Variants in FAM171B observed in about 807,000 individuals in gnomAD.
FAM171B encodes family with sequence similarity 171 member B.
Under a neutral mutation model 75.6 loss-of-function variants are expected in FAM171B, and 19 were observed. That is an observed-to-expected ratio of 0.25 (90% CI 0.18 to 0.37). FAM171B has a LOEUF of 0.37. Among genes scored for constraint, FAM171B ranks in the 10% least tolerant of loss-of-function variants. The pLI is 1.00. For synonymous variants in FAM171B, 367 were observed against 361.7 expected, an observed-to-expected ratio of 1.01 and a Z score of -0.17; for missense variants, 848 against 982.4, an observed-to-expected ratio of 0.86 and a Z score of 1.83.
chr2:186,754,010 T>C lies in FAM171B; in HGVS notation c.973T>C (p.Leu325=). Residue 325 remains leucine (L), a synonymous_variant, in exon 6 of 8, where the codon TTG becomes CTG. Coordinates refer to ENST00000304698, the MANE Select transcript of FAM171B (RefSeq NM_177454.4). ...HLIWTYDAPH[L]GYWIAAPLPG... The stretch of plus-strand genomic sequence containing the variant: ...AATCTGGACATATGATGCACCACAT[T>C]TGGGGTACTGGATAGCAGCTCCACT... 6.2e-7 allele frequency: 1 copy of C among 1,611,776 alleles called. No homozygotes were observed.
In FAM171B at chr2:186,694,193, G is replaced by A; in HGVS notation, c.20G>A (p.Arg7His). The change falls in exon 1 of 8, where the codon CGT becomes CAT. Residue 7 changes from arginine to histidine, a missense_variant. Arg to His is a conservative substitution (Grantham distance 29). Coordinates refer to ENST00000304698, the MANE Select transcript of FAM171B (RefSeq NM_177454.4). Reference sequence around the variant, plus strand: ...TAGGCCATGGCGAGGCTCTGCCGGCGTGTCCCCTGCACCCTGCTTCTCGGC... The same window carrying A: ...TAGGCCATGGCGAGGCTCTGCCGGCATGTCCCCTGCACCCTGCTTCTCGGC... MARLCR[R>H]VPCTLLLGLA... is the part of the protein sequence containing the mutation. The A allele has an allele frequency of 6.2e-7, 1 of 1,602,952 alleles. No individual in the cohort carries two copies. Among genetic ancestry groups the A allele is most frequent in the African/African-American group, 1.3e-5 (1 of 74,970 alleles).
intron 1 of FAM171B, among the ~76,000 whole-genome samples, chr2:186,731,701 G>A (rs1690116577): frequency 6.6e-6 from 1 of 152,146 alleles, no homozygotes; most frequent in Non-Finnish European, 1.5e-5. Context: ...CGGGAACTGG[G>A]CCTCACAGCA....
At chr2:186,734,742 G>A (rs750140899) in intron 1 of FAM171B, among the ~76,000 whole-genome samples, 16 of 152,298 alleles carry the variant, frequency 1.1e-4, no homozygotes, top group Non-Finnish European at 2.1e-4. Context: ...AGGGGTACCC[G>A]CAATCCTGTG....
chr2:186,703,076 T>TACAC (rs35043744), intron 1 of FAM171B, among the ~76,000 whole-genome samples: 59,075 of 145,306 alleles, frequency 0.41, 12,109 homozygotes, highest in East Asian at 0.68. Flanking sequence ...TATATATATA[T>TACAC]ACACACACAC....
chr2:186,702,636 C>T lies in FAM171B; in HGVS notation c.238+8225C>T, dbSNP rs78030756. Among the ~76,000 whole-genome samples, 325 of 152,182 alleles carry T rather than the reference C, an allele frequency of 2.1e-3. 1 individual carries two copies. Among genetic ancestry groups the T allele is most frequent in the East Asian group, 0.019 (98 of 5,184 alleles). ...GAATATAAGGCCAGTTTATTTGGGC[C>T]TAAAATGAGTGAGTGATTCAGAGTG... is the stretch of plus-strand genomic sequence containing the variant. On this transcript the variant is annotated intron_variant, in intron 1 of 7. Transcript: ENST00000304698.
At chr2:186,742,921 C>A (rs1418778719) in intron 2 of FAM171B, among the ~76,000 whole-genome samples, 1 of 152,170 alleles carries the variant, frequency 6.6e-6, no homozygotes, top group Non-Finnish European at 1.5e-5. Flanking sequence ...TCATCTCCAT[C>A]CTGCATTACT....
At chr2:186,756,917 A>G (rs1251076469) in intron 6 of FAM171B, among the ~76,000 whole-genome samples, 2 of 152,148 alleles carry the variant, frequency 1.3e-5, no homozygotes, top group Non-Finnish European at 2.9e-5. Context: ...TAAAGGATAC[A>G]GATAAAGAGC....
chr2:186,744,432 T>C (rs1690337602), intron 3 of FAM171B, among the ~76,000 whole-genome samples: 1 of 152,188 alleles, frequency 6.6e-6, no homozygotes, highest in Admixed American at 6.5e-5. Context: ...AAAAATAAAC[T>C]AGGGCTTGAT....
chr2:186,758,768 C>T (rs1690571519), intron 6 of FAM171B, among the ~76,000 whole-genome samples: 1 of 152,028 alleles, frequency 6.6e-6, no homozygotes, highest in South Asian at 2.1e-4. Flanking sequence ...GCATAATAAT[C>T]ATGCATAATA....
At chr2:186,695,009 G>T (rs1391549909) in intron 1 of FAM171B, 3 of 152,058 alleles carry the variant, frequency 2.0e-5, no homozygotes, top group East Asian at 1.9e-4. Context: ...TTATTGCAAA[G>T]AACTCTTTTA....
chr2:186,725,677 T>G (rs1012369358), intron 1 of FAM171B, among the ~76,000 whole-genome samples: 2 of 152,228 alleles, frequency 1.3e-5, no homozygotes, highest in African/African-American at 4.8e-5. Flanking sequence ...TGGTGACCAG[T>G]GTTTTTTCAA....
chr2:186,749,555 TAC>T (rs541438037), intron 4 of FAM171B, among the ~76,000 whole-genome samples: 15 of 152,208 alleles, frequency 9.9e-5, no homozygotes, highest in Non-Finnish European at 1.8e-4. Flanking sequence ...GGTAATTTAG[TAC>T]AGTTAATTCT....
Position 186,746,050 on chromosome 2 carries a change from T to C in FAM171B, c.566-1042T>C, listed in dbSNP as rs1395016881. Among the ~76,000 whole-genome samples, 7 of 152,250 alleles carry C rather than the reference T, an allele frequency of 4.6e-5. 1 individual carries two copies. The South Asian group carries it at 6.2e-4, about 14-fold the overall frequency. On this transcript the variant is annotated intron_variant, in intron 3 of 7. Transcript: ENST00000304698. ...ACTGATGTCTTTTCTATTCTAATAA[T>C]TTAATTGATTGCTTCTGTCTTCATC...
chr2:186,706,772 A>G (rs939192581), intron 1 of FAM171B, among the ~76,000 whole-genome samples: 2 of 152,122 alleles, frequency 1.3e-5, no homozygotes, highest in African/African-American at 4.8e-5. Context: ...GGCTCTAACA[A>G]CCTTGGCCCA....
At chr2:186,725,364 T>C (rs1690018188) in intron 1 of FAM171B, among the ~76,000 whole-genome samples, 1 of 151,928 alleles carries the variant, frequency 6.6e-6, no homozygotes, top group African/African-American at 2.4e-5. Flanking sequence ...AAAAAGAATT[T>C]TACTTTCTCT....
chr2:186,698,268 T>G (rs1689609140), intron 1 of FAM171B, among the ~76,000 whole-genome samples: 1 of 152,194 alleles, frequency 6.6e-6, no homozygotes, highest in Non-Finnish European at 1.5e-5. Context: ...CATAGAAATG[T>G]CTTTTCAGTA....
intron 1 of FAM171B, among the ~76,000 whole-genome samples, chr2:186,727,489 A>G (rs1035458895): frequency 6.6e-5 from 10 of 152,328 alleles, no homozygotes; most frequent in African/African-American, 2.4e-4. Flanking sequence ...CTTTTTCTGT[A>G]GAGTGCCAGA....
intron 1 of FAM171B, among the ~76,000 whole-genome samples, chr2:186,734,878 G>T (rs577838774): frequency 6.6e-6 from 1 of 152,344 alleles, no homozygotes; most frequent in African/African-American, 2.4e-5. Context: ...ATCCAGCTGG[G>T]TTGCAAAAGT....
intron 1 of FAM171B, among the ~76,000 whole-genome samples, chr2:186,728,070 A>C (rs1451965247): frequency 6.6e-6 from 1 of 152,160 alleles, no homozygotes; most frequent in Non-Finnish European, 1.5e-5. Context: ...TCCACAGAAA[A>C]GTCAGATCAT....
Sources: gnomAD v4.1 joint callset for allele counts (sites outside exome capture counted in the v4.1 genomes callset) on GRCh38, gnomAD v4.1.1 for gene constraint, MANE v1.5 for transcripts, NCBI Gene and HGNC (gene_info 2026-07-23, HGNC 2026-07-21) for gene names.